PAK5: variants seen among roughly 807,000 people sequenced by gnomAD.
PAK5 encodes p21 (RAC1) activated kinase 5, also known as serine/threonine-protein kinase PAK 5.
In PAK5, 16 loss-of-function variants were observed where a neutral mutation model predicts 65.9. The ratio of observed to expected loss-of-function variants is 0.24; its 90% CI spans 0.16 to 0.37. PAK5 has a LOEUF of 0.37. Among genes scored for constraint, PAK5 ranks in the 10% least tolerant of loss-of-function variants. The pLI, the probability that PAK5 is intolerant of heterozygous loss-of-function variation, is 1.00. For synonymous variants in PAK5, 371 were observed against 354.9 expected, an observed-to-expected ratio of 1.05 and a Z score of -0.51; for missense variants, 785 against 903.9, an observed-to-expected ratio of 0.87 and a Z score of 1.69.
chr20:9,802,910 GTATATA>G lies in PAK5; in HGVS notation c.-162+35846_-162+35851del, dbSNP rs57705525. On this transcript the variant is annotated intron_variant, in intron 1 of 9. Coordinates refer to ENST00000353224, the MANE Select transcript of PAK5 (RefSeq NM_177990.4). ...CTTCTGTACTATTGTATATGTATGTGTATATATATATATATATATATATGAATTACT... is the reference window on the plus strand; with the variant it reads ...CTTCTGTACTATTGTATATGTATGTGTATATATATATATATATGAATTACT... Among the ~76,000 whole-genome samples the G allele has an allele frequency of 8.1e-3, 376 of 46,380 alleles. 9 individuals carry two copies. The highest frequency in any genetic ancestry group is 0.073 in the East Asian group (84 of 1,150). 30.4% of individuals were successfully genotyped at this position (46,380 alleles called of 152,430 possible).
chr20:9,640,137 T>C (rs983594216), intron 3 of PAK5, among the ~76,000 whole-genome samples: 8 of 151,760 alleles, frequency 5.3e-5, no homozygotes, highest in Admixed American at 1.3e-4. Context: ...ACATGTGCCA[T>C]GTTGGTGTGC....
chr20:9,805,301 G>C (rs1253078239), intron 1 of PAK5, among the ~76,000 whole-genome samples: 2 of 152,118 alleles, frequency 1.3e-5, no homozygotes, highest in Admixed American at 6.5e-5. Flanking sequence ...AGTCACTTTA[G>C]AAAACAGGAC....
chr20:9,618,915 G>GTTTTTTTTTTTTTTTTT (rs150725498), intron 3 of PAK5, among the ~76,000 whole-genome samples: 1 of 18,816 alleles, frequency 5.3e-5, no homozygotes, highest in Admixed American at 9.0e-4. Flanking sequence ...TCTTTCTTTC[G>GTTTTTTTTTTTTTTTTT]TTTTTTTTTT....
Position 9,568,038 on chromosome 20 carries a change from C to T in PAK5, c.991-1654G>A, listed in dbSNP as rs116823685. ...GGCTTAGTTTGTGAGGAAGAGCAGA[C>T]GCTCAGCTATAGTGGAGTGTGTCCA... On this transcript the variant is annotated intron_variant, in intron 4 of 9. Transcript: ENST00000353224. Among the ~76,000 whole-genome samples the T allele has an allele frequency of 2.0e-3, 310 of 152,232 alleles. 1 individual carries two copies. The highest frequency in any genetic ancestry group is 7.1e-3 in the African/African-American group (293 of 41,552).
chr20:9,716,563 C>A (rs191351771), intron 1 of PAK5, among the ~76,000 whole-genome samples: 3 of 152,064 alleles, frequency 2.0e-5, no homozygotes, highest in African/African-American at 7.2e-5. Context: ...TATAATTAAC[C>A]ATTTTGAGTT....
intron 2 of PAK5, among the ~76,000 whole-genome samples, chr20:9,650,041 A>G (rs1025824257): frequency 3.3e-5 from 5 of 152,140 alleles, no homozygotes; most frequent in African/African-American, 1.2e-4. Flanking sequence ...TCCAGCCCCC[A>G]TGGTGCAGCA....
At chr20:9,582,963 C>T (rs2046005289) in intron 3 of PAK5, among the ~76,000 whole-genome samples, 1 of 151,958 alleles carries the variant, frequency 6.6e-6, no homozygotes, top group African/African-American at 2.4e-5. Flanking sequence ...TGAGCACTTC[C>T]TTACTTTCTG....
rs184141024 is a variant in PAK5 at position 9,813,745 on chromosome 20, T to G, written c.-162+25017A>C. ...AAAGAAGCCAGGCACAAATGAGGAC[T>G]TTATGATTCCAATTTTAATCGATGC... On this transcript the variant is annotated intron_variant, in intron 1 of 9. Coordinates refer to ENST00000353224, the MANE Select transcript of PAK5 (RefSeq NM_177990.4). Among the ~76,000 whole-genome samples the G allele has an allele frequency of 6.6e-5, 10 of 152,298 alleles. No individual in the cohort carries two copies. In the East Asian group the frequency reaches 1.9e-3, roughly 29 times the overall value.
At chr20:9,722,142 G>A (rs2048222479) in intron 1 of PAK5, among the ~76,000 whole-genome samples, 2 of 152,134 alleles carry the variant, frequency 1.3e-5, no homozygotes, top group South Asian at 4.1e-4. Flanking sequence ...TGAACTGAGT[G>A]AGTGAGTGAG....
intron 5 of PAK5, 51 bp from the exon 6 acceptor site, chr20:9,563,075 T>C: frequency 1.1e-5 from 17 of 1,552,796 alleles, no homozygotes; most frequent in Non-Finnish European, 1.5e-5. Context: ...AGTTGCTTTT[T>C]GTTCTCTTGT....
At chr20:9,638,192 C>T (rs533025771) in intron 3 of PAK5, among the ~76,000 whole-genome samples, 1 of 152,222 alleles carries the variant, frequency 6.6e-6, no homozygotes, top group African/African-American at 2.4e-5. Context: ...CTGCCCTTTA[C>T]ATAATGCATC....
At chr20:9,675,772 T>C (rs575399759) in intron 2 of PAK5, among the ~76,000 whole-genome samples, 1 of 152,340 alleles carries the variant, frequency 6.6e-6, no homozygotes, top group East Asian at 1.9e-4. Flanking sequence ...AACTATATAG[T>C]CAGCCAAAAT....
At position 9,811,231 on chromosome 20, in the gene PAK5, A is replaced by G. The variant is rs192495064; in HGVS notation, c.-162+27531T>C. On this transcript the variant is annotated intron_variant, in intron 1 of 9. Coordinates refer to ENST00000353224, the MANE Select transcript of PAK5 (RefSeq NM_177990.4). ...AAATATGATCAAATTTGATTTCTTG[A>G]AATGTACTTATCATCGTGACATTGT... Among the ~76,000 whole-genome samples, 667 of 152,208 alleles carry G rather than the reference A, an allele frequency of 4.4e-3. 6 individuals are homozygous for G. The highest frequency in any genetic ancestry group is 0.015 in the African/African-American group (635 of 41,516).
chr20:9,768,588 G>A (rs752355274), intron 1 of PAK5, among the ~76,000 whole-genome samples: 7 of 152,044 alleles, frequency 4.6e-5, no homozygotes, highest in Non-Finnish European at 8.8e-5. Flanking sequence ...TTCTCAACCA[G>A]CCTGGCCAAC....
intron 7 of PAK5, among the ~76,000 whole-genome samples, chr20:9,548,448 T>C (rs1055243297): frequency 2.6e-5 from 4 of 152,156 alleles, no homozygotes; most frequent in Non-Finnish European, 5.9e-5. Flanking sequence ...TACATATGTA[T>C]ACATGTGCCA....
chr20:9,770,388 T>G (rs746778745), intron 1 of PAK5, among the ~76,000 whole-genome samples: 1 of 151,816 alleles, frequency 6.6e-6, no homozygotes, highest in African/African-American at 2.4e-5. Flanking sequence ...GAAGATAAGG[T>G]ATAAAATGGT....
At chr20:9,671,395 C>T (rs2047495973) in intron 2 of PAK5, among the ~76,000 whole-genome samples, 1 of 152,102 alleles carries the variant, frequency 6.6e-6, no homozygotes, top group Non-Finnish European at 1.5e-5. Flanking sequence ...ATTGATTCTT[C>T]CTACCCATGA....
At chr20:9,540,116 TTATGTA>T (rs2045236905) in intron 9 of PAK5, among the ~76,000 whole-genome samples, 1 of 152,204 alleles carries the variant, frequency 6.6e-6, no homozygotes. Context: ...ATATCTTACT[TTATGTA>T]TATATTTAGA....
chr20:9,693,127 G>C (rs960696231), intron 2 of PAK5, among the ~76,000 whole-genome samples: 2 of 152,028 alleles, frequency 1.3e-5, no homozygotes, highest in Non-Finnish European at 2.9e-5. Flanking sequence ...CAACTTTCCT[G>C]GTTCCGTGGA....
Sources: allele counts gnomAD v4.1 joint callset (sites outside exome capture counted in the v4.1 genomes callset), GRCh38; gene constraint gnomAD v4.1.1; transcripts MANE v1.5; gene names NCBI Gene and HGNC (gene_info 2026-07-23, HGNC 2026-07-21).